Variants in TMEM272 observed in about 807,000 individuals in gnomAD.
TMEM272 encodes long intergenic non-protein coding RNA 282.
Under a neutral mutation model 3.7 loss-of-function variants are expected in TMEM272, and 8 were observed. That is an observed-to-expected ratio of 2.17 (90% CI 1.27 to 3.91). TMEM272 has a LOEUF of 3.91. Ranked by LOEUF, TMEM272 falls within the 30% of genes most tolerant of loss-of-function variation. The pLI, the probability that TMEM272 is intolerant of heterozygous loss-of-function variation, is 0.00. For synonymous variants in TMEM272, 63 were observed against 39.8 expected (o/e 1.58, Z -2.20); for missense variants, 166 against 91.5 (o/e 1.81, Z -3.32).
the TMEM272 span, chr13:51,932,974 G>T: frequency 2.0e-5 from 3 of 151,928 alleles, no homozygotes; most frequent in African/African-American, 4.8e-5. Context: ...GGGCTGGAGT[G>T]GGGGGGCTGA....
chr13:51,877,304 C>T, the TMEM272 span, among the ~76,000 whole-genome samples: 4 of 152,202 alleles, frequency 2.6e-5, no homozygotes, highest in Non-Finnish European at 5.9e-5. Context: ...CTTTTCTCCC[C>T]ATGTCATATG....
At chr13:51,875,390 A>T in the TMEM272 span, among the ~76,000 whole-genome samples, 2 of 152,120 alleles carry the variant, frequency 1.3e-5, no homozygotes, top group African/African-American at 4.8e-5. Flanking sequence ...CCCTTAAAGC[A>T]GCTAAAGTAG....
the TMEM272 span, among the ~76,000 whole-genome samples, chr13:51,929,519 G>A: frequency 3.9e-5 from 6 of 151,994 alleles, no homozygotes; most frequent in South Asian, 1.2e-3. Flanking sequence ...AGATAGACAC[G>A]GGATGGCTCT....
upstream of TMEM272, among the ~76,000 whole-genome samples, chr13:51,845,356 C>A (rs1260928364): frequency 1.3e-5 from 2 of 152,076 alleles, no homozygotes; most frequent in Non-Finnish European, 2.9e-5. Flanking sequence ...CCGCGGGAAA[C>A]ATTTCATTTC....
the TMEM272 span, among the ~76,000 whole-genome samples, chr13:51,858,751 C>T: frequency 6.6e-6 from 1 of 152,246 alleles, no homozygotes; most frequent in East Asian, 1.9e-4. Flanking sequence ...AGGAAAAAAA[C>T]TCAGCAAAGC....
chr13:51,855,996 T>C, the TMEM272 span, among the ~76,000 whole-genome samples: 142,117 of 152,280 alleles, frequency 0.93, 66,555 homozygotes, highest in East Asian at 1. Context: ...AATAGTTTAA[T>C]TGACAAGAGG....
upstream of TMEM272, among the ~76,000 whole-genome samples, chr13:51,849,759 T>C (rs2139600395): frequency 6.6e-6 from 1 of 152,344 alleles, no homozygotes; most frequent in Admixed American, 6.5e-5. Context: ...ATAACTCTCC[T>C]GTCTTCCTGT....
the TMEM272 span, among the ~76,000 whole-genome samples, chr13:51,863,616 G>A: frequency 6.6e-6 from 1 of 151,834 alleles, no homozygotes. Context: ...GATGGATGGT[G>A]ATGCCACCAG....
At chr13:51,885,134 G>A in the TMEM272 span, among the ~76,000 whole-genome samples, 49,592 of 152,008 alleles carry the variant, frequency 0.33, 8,257 homozygotes, top group East Asian at 0.45. Context: ...AGTTCAGTCT[G>A]CTAGGGGTAT....
chr13:51,925,506 C>A, the TMEM272 span, among the ~76,000 whole-genome samples: 2 of 152,020 alleles, frequency 1.3e-5, no homozygotes, highest in Non-Finnish European at 2.9e-5. Context: ...TACACACATC[C>A]CTACACATCA....
the TMEM272 span, among the ~76,000 whole-genome samples, chr13:51,904,579 T>C: frequency 1.3e-5 from 2 of 152,198 alleles, no homozygotes; most frequent in African/African-American, 2.4e-5. Flanking sequence ...AGAGAAAAGA[T>C]AAGCATGGTC....
At chr13:51,932,161 C>T in the TMEM272 span, among the ~76,000 whole-genome samples, 1 of 152,100 alleles carries the variant, frequency 6.6e-6, no homozygotes, top group African/African-American at 2.4e-5. Context: ...ATTACACTGT[C>T]AACTCCCTTC....
chr13:51,926,911 CAT>C, the TMEM272 span, among the ~76,000 whole-genome samples: 2 of 151,872 alleles, frequency 1.3e-5, no homozygotes, highest in African/African-American at 4.8e-5. Flanking sequence ...ATAAAACAAA[CAT>C]ATATATAAAA....
chr13:51,866,892 G>T, the TMEM272 span, among the ~76,000 whole-genome samples: 1 of 152,058 alleles, frequency 6.6e-6, no homozygotes, highest in African/African-American at 2.4e-5. Context: ...ATTCTTTTTG[G>T]GGGGCTTCCT....
chr13:51,878,769 C>T, the TMEM272 span, among the ~76,000 whole-genome samples: 1 of 152,182 alleles, frequency 6.6e-6, no homozygotes, highest in African/African-American at 2.4e-5. Context: ...TTAAATGACT[C>T]TTCCCTTCAC....
At chr13:51,909,819 G>C in the TMEM272 span, 2 of 1,588,340 alleles carry the variant, frequency 1.3e-6, no homozygotes, top group South Asian at 2.2e-5. Context: ...CAAGCGTTCA[G>C]TCAGAGTCTC....
chr13:51,873,178 T>C, the TMEM272 span, among the ~76,000 whole-genome samples: 1 of 152,142 alleles, frequency 6.6e-6, no homozygotes, highest in Non-Finnish European at 1.5e-5. Flanking sequence ...GGAGGAGAGT[T>C]TGAGAGTGAA....
the TMEM272 span, among the ~76,000 whole-genome samples, chr13:51,868,773 C>G: frequency 2.6e-5 from 4 of 152,220 alleles, no homozygotes; most frequent in African/African-American, 9.7e-5. Context: ...GAGTCCTGCT[C>G]ATTTAGCTGA....
intron 3 of TMEM272, among the ~76,000 whole-genome samples, chr13:51,824,893 C>T (rs1355466874): frequency 1.3e-5 from 2 of 152,128 alleles, no homozygotes; most frequent in African/African-American, 2.4e-5. Context: ...GCAGAGGGTG[C>T]GGTGAGCCGA....
Sources: gnomAD v4.1 joint callset for allele counts (sites outside exome capture counted in the v4.1 genomes callset) on GRCh38, gnomAD v4.1.1 for gene constraint, MANE v1.5 for transcripts, NCBI Gene and HGNC (gene_info 2026-07-23, HGNC 2026-07-21) for gene names.